The following PAPPA2 variants were observed in gnomAD, a reference collection of about 807,000 sequenced individuals.
PAPPA2 encodes the protein pappalysin 2, also known as pappalysin-2.
In PAPPA2, 86 loss-of-function variants were observed where a neutral mutation model predicts 176.4. The ratio of observed to expected loss-of-function variants is 0.49; its 90% confidence interval spans 0.41 to 0.58. PAPPA2 has a LOEUF of 0.58. PAPPA2 is among the 20% of genes least tolerant of loss of function. PAPPA2 has a pLI of 0.00. For missense variants in PAPPA2, 2,073 were observed against 2,256.9 expected (o/e 0.92, Z 1.65); for synonymous variants, 809 against 852.2 (o/e 0.95, Z 0.88).
chr1:176,831,854 A>G (rs531321711), intron 21 of PAPPA2, among the ~76,000 whole-genome samples: 4 of 152,266 alleles, frequency 2.6e-5, no homozygotes, highest in African/African-American at 9.6e-5. Flanking sequence ...GTTTTTGAAG[A>G]GAGCCCTGGT....
intron 1 of PAPPA2, among the ~76,000 whole-genome samples, chr1:176,481,746 C>T (rs574196537): frequency 1.8e-4 from 28 of 152,312 alleles, no homozygotes; most frequent in Middle Eastern, 3.4e-3. Context: ...ACCCTGTCAC[C>T]TAGGCTGGAG....
At chr1:176,668,026 A>G (rs1444265053) in intron 3 of PAPPA2, among the ~76,000 whole-genome samples, 1 of 152,138 alleles carries the variant, frequency 6.6e-6, no homozygotes, top group African/African-American at 2.4e-5. Flanking sequence ...AGGCAATGAA[A>G]CACGGTAGAC....
rs1665174790 is a variant in PAPPA2, at chr1:176,791,451, G to T, written c.4989G>T (p.Val1663=). The change falls in exon 19 of 23, where the codon GTG becomes GTT. Residue 1663 remains valine (V), a synonymous_variant. Coordinates refer to ENST00000367662, the MANE Select transcript of PAPPA2 (RefSeq NM_020318.3). ...CPPPPSELNS[V]EYKCEQGYGI... The stretch of plus-strand genomic sequence containing the variant: ...CACCCCCCTCAGAGCTGAATTCTGT[G>T]GAGTACAAATGTGAACAAGGATATG... 6.2e-7 allele frequency: 1 copy of T among 1,613,720 alleles called. No individual in the cohort carries two copies. Among genetic ancestry groups the T allele is most frequent in the Non-Finnish European group, 8.5e-7 (1 of 1,179,832 alleles).
At position 176,782,572 on chromosome 1, in the gene PAPPA2, G is replaced by A. The variant is rs539803645; in HGVS notation, c.4716-7237G>A. On this transcript the variant is annotated intron_variant, in intron 17 of 22. Coordinates refer to ENST00000367662, the MANE Select transcript of PAPPA2 (RefSeq NM_020318.3). ...AAAAGCATCATGACTCGAGAGAATG[G>A]CACCAACTCTTGAGGCTGGGAAGGT... 2.6e-5 allele frequency among the ~76,000 whole-genome samples: 4 copies of A among 152,282 alleles called. No individual in the cohort carries two copies. In the South Asian group the frequency reaches 6.2e-4, roughly 24 times the overall value.
Position 176,699,319 on chromosome 1 carries a change from A to T in PAPPA2, c.2966A>T (p.Glu989Val). 1 of 1,614,154 alleles carries T rather than the reference A, an allele frequency of 6.2e-7. No individual in the cohort carries two copies. The highest frequency in any genetic ancestry group is 8.5e-7 in the Non-Finnish European group (1 of 1,180,008). ...QVLFDTEILL[E>V]NKESVHLGPL... ...CTCTTTGACACAGAGATCTTGCTGG[A>T]AAACAAGGAGTCAGTGCACCTGGGC... Residue 989 changes from glutamate (E) to valine (V), a missense_variant, in exon 8 of 23, where the codon GAA becomes GTA. By Grantham distance (121) the Glu-to-Val change is moderately radical. This residue lies in a region of PAPPA2 where 1,196 missense variants were observed against 1,330.4 expected (regional missense o/e 0.90). Coordinates refer to ENST00000367662, the MANE Select transcript of PAPPA2 (RefSeq NM_020318.3).
At chr1:176,808,444 CA>C (rs1383559471) in intron 21 of PAPPA2, among the ~76,000 whole-genome samples, 1 of 152,092 alleles carries the variant, frequency 6.6e-6, no homozygotes, top group African/African-American at 2.4e-5. Flanking sequence ...ATGAAGAAAT[CA>C]CTTGGAATAG....
At chr1:176,835,613 G>C (rs1349180150) in intron 21 of PAPPA2, among the ~76,000 whole-genome samples, 2 of 152,106 alleles carry the variant, frequency 1.3e-5, no homozygotes, top group African/African-American at 4.8e-5. Flanking sequence ...TCTGCCTCCC[G>C]GGTTCAAGCG....
chr1:176,690,173 C>A lies in PAPPA2; in HGVS notation c.2174C>A (p.Pro725His). 1 of 1,613,754 alleles carries A rather than the reference C, an allele frequency of 6.2e-7. No individual in the cohort carries two copies. Among genetic ancestry groups the A allele is most frequent in the Non-Finnish European group, 8.5e-7 (1 of 1,179,686 alleles). ...CTCAGCCCAGCATATTATGGGATGC[C>A]TGGCCACACCGACACCATGATCCAT... The part of the protein sequence containing the change: ...IVLSPAYYGM[P>H]GHTDTMIHEV... Residue 725 changes from proline (P) to histidine (H), a missense_variant, in exon 5 of 23, where the codon CCT (proline) becomes CAT (histidine). Around this residue, in one of 4 missense-constraint regions of PAPPA2, gnomAD observed 1,196 missense variants for 1,330.4 expected, o/e 0.90. Transcript: ENST00000367662.
Position 176,803,103 on chromosome 1 carries a change from C to T in PAPPA2, c.5202+2971C>T, listed in dbSNP as rs754519239. 5.9e-5 allele frequency among the ~76,000 whole-genome samples: 9 copies of T among 152,202 alleles called. 1 individual carries two copies. The highest frequency in any genetic ancestry group is 2.2e-4 in the African/African-American group (9 of 41,528). Reference sequence around the variant, plus strand: ...TACTCCTTGTATCTTCTGTTTCTTTCGTAAACTGCATATGGGCAAGGAATG... The same window carrying T: ...TACTCCTTGTATCTTCTGTTTCTTTTGTAAACTGCATATGGGCAAGGAATG... On this transcript the variant is annotated intron_variant, in intron 21 of 22. Coordinates refer to ENST00000367662, the MANE Select transcript of PAPPA2 (RefSeq NM_020318.3).
intron 1 of PAPPA2, among the ~76,000 whole-genome samples, chr1:176,544,671 G>A (rs1650536007): frequency 6.6e-6 from 1 of 152,138 alleles, no homozygotes; most frequent in South Asian, 2.1e-4. Flanking sequence ...GCTTAGTGCA[G>A]ATCCCACAAG....
At chr1:176,561,493 C>T (rs893056079) in intron 2 of PAPPA2, among the ~76,000 whole-genome samples, 14 of 152,112 alleles carry the variant, frequency 9.2e-5, no homozygotes, top group African/African-American at 3.1e-4. Flanking sequence ...ATTCAGTTTG[C>T]TAGATTGTAA....
At position 176,820,259 on chromosome 1, in the gene PAPPA2, T is replaced by G. The variant is rs558799319; in HGVS notation, c.5203-19914T>G. On this transcript the variant is annotated intron_variant, in intron 21 of 22. Coordinates refer to ENST00000367662, the MANE Select transcript of PAPPA2 (RefSeq NM_020318.3). ...TTCCAGTAGGTTCTCCATAGCCTTT[T>G]CAGTCGTATACATTGTTTTTCTATT... is the stretch of plus-strand genomic sequence containing the variant. 4.6e-5 allele frequency among the ~76,000 whole-genome samples: 7 copies of G among 152,320 alleles called. No homozygotes were observed. In the South Asian group the frequency reaches 1.5e-3, roughly 32 times the overall value.
rs762510082 is a variant in PAPPA2 at position 176,498,751 on chromosome 1, C to CACAAAAAAAAAAAAAAAAAA, written c.-917+35334_-917+35335insCAAAAAAAAAAAAAAAAAAA. On this transcript the variant is annotated intron_variant, in intron 1 of 22. Coordinates refer to ENST00000367662, the MANE Select transcript of PAPPA2 (RefSeq NM_020318.3). ...GGCGACAGAGCGAGACTCTTACCTC[C>CACAAAAAAAAAAAAAAAAAA]AAAAAAAAAAAAAAAGAAGAAGAAA... is the stretch of plus-strand genomic sequence containing the variant. Among the ~76,000 whole-genome samples the CACAAAAAAAAAAAAAAAAAA allele has an allele frequency of 8.6e-3, 965 of 111,672 alleles. 15 individuals carry two copies. The highest frequency in any genetic ancestry group is 0.01 in the Non-Finnish European group (547 of 52,210). 73.3% of individuals were successfully genotyped at this position (111,672 alleles called of 152,430 possible).
At chr1:176,803,727 G>C (rs1466737350) in intron 21 of PAPPA2, among the ~76,000 whole-genome samples, 1 of 152,064 alleles carries the variant, frequency 6.6e-6, no homozygotes, top group Non-Finnish European at 1.5e-5. Context: ...GCTAATACAG[G>C]GTTCTTTCTA....
At chr1:176,746,848 GTTC>G (rs747200348) in intron 14 of PAPPA2, among the ~76,000 whole-genome samples, 61 of 152,076 alleles carry the variant, frequency 4.0e-4, no homozygotes, top group Non-Finnish European at 7.8e-4. Flanking sequence ...GGAAACTGGG[GTTC>G]TTCTCTCGCT....
intron 1 of PAPPA2, among the ~76,000 whole-genome samples, chr1:176,500,175 A>G (rs1572973226): frequency 6.6e-6 from 1 of 152,208 alleles, no homozygotes; most frequent in African/African-American, 2.4e-5. Context: ...TAAAAATAAG[A>G]TACCTTTCTA....
In PAPPA2 at chr1:176,842,764, A is replaced by C; in HGVS notation, c.*310A>C. 1.1e-5 allele frequency: 3 copies of C among 270,428 alleles called. No individual in the cohort carries two copies. The highest frequency in any genetic ancestry group is 5.3e-5 in the South Asian group (1 of 18,710). The allele number at this position is 270,428 out of a possible 1,614,324, so 16.8% of individuals were successfully genotyped here. A position where few individuals can be genotyped will look rare whatever the true frequency, so the allele number is the denominator to read the frequency against. Reference sequence around the variant, plus strand: ...TATATTCTATTAAATCCTATCCTCAACTCTTGCCCTGCTCTCCGCTCCACC... The same window carrying C: ...TATATTCTATTAAATCCTATCCTCACCTCTTGCCCTGCTCTCCGCTCCACC... On this transcript the variant is annotated 3_prime_UTR_variant, in exon 23 of 23. Coordinates refer to ENST00000367662, the MANE Select transcript of PAPPA2 (RefSeq NM_020318.3).
intron 1 of PAPPA2, among the ~76,000 whole-genome samples, chr1:176,498,448 G>A (rs1184002990): frequency 2.6e-5 from 4 of 152,144 alleles, no homozygotes; most frequent in Admixed American, 1.3e-4. Context: ...CTAAGATGGT[G>A]AGGATAGAAA....
At position 176,615,471 on chromosome 1, in the gene PAPPA2, C is replaced by T. The variant is rs577241894; in HGVS notation, c.1991+19876C>T. On this transcript the variant is annotated intron_variant, in intron 3 of 22. Coordinates refer to ENST00000367662, the MANE Select transcript of PAPPA2 (RefSeq NM_020318.3). ...GACTACAGGTGCCTGCCACCATGCCCGGCTAATTTTTTTTTCTTTTTTCTT... is the reference window on the plus strand; with the variant it reads ...GACTACAGGTGCCTGCCACCATGCCTGGCTAATTTTTTTTTCTTTTTTCTT... Among the ~76,000 whole-genome samples the T allele has an allele frequency of 4.6e-5, 7 of 152,162 alleles. No individual in the cohort carries two copies. The East Asian group carries it at 7.8e-4, about 17-fold the overall frequency.
Sources: gnomAD v4.1 joint callset for allele counts (sites outside exome capture counted in the v4.1 genomes callset) on GRCh38, gnomAD v4.1.1 for gene constraint, gnomAD v4.1.1 regional missense constraint, MANE v1.5 for transcripts, NCBI Gene and HGNC (gene_info 2026-07-23, HGNC 2026-07-21) for gene names.